Variants in SLIT3 observed in about 807,000 individuals in gnomAD.
SLIT3 encodes slit homolog 3 protein.
SLIT3 carries 68 observed loss-of-function variants against 184.0 expected under a neutral mutation model. The ratio of observed to expected loss-of-function variants is 0.37; its 90% CI spans 0.30 to 0.45. The LOEUF (loss-of-function observed/expected upper bound fraction) is 0.45, where lower values mean the gene tolerates loss of function less well. Among genes scored for constraint, SLIT3 ranks in the 20% least tolerant of loss-of-function variants. The pLI is 1.00. For missense variants in SLIT3, 1,707 were observed against 2,026.0 expected, an observed-to-expected ratio of 0.84 and a Z score of 3.02; for synonymous variants, 831 against 828.6, an observed-to-expected ratio of 1.00 and a Z score of -0.05.
At chr5:168,945,657 C>T (rs1762453042) in intron 4 of SLIT3, among the ~76,000 whole-genome samples, 1 of 152,208 alleles carries the variant, frequency 6.6e-6, no homozygotes, top group South Asian at 2.1e-4. Flanking sequence ...TCTAGGTCTG[C>T]TTTCAGTTAT....
intron 1 of SLIT3, among the ~76,000 whole-genome samples, chr5:169,260,345 C>T (rs1766119833): frequency 6.6e-6 from 1 of 152,116 alleles, no homozygotes; most frequent in African/African-American, 2.4e-5. Context: ...ACTACGCTTT[C>T]CACCTGAATG....
chr5:168,970,658 C>CT (rs1754546945), intron 4 of SLIT3, among the ~76,000 whole-genome samples: 1 of 152,122 alleles, frequency 6.6e-6, no homozygotes, highest in Non-Finnish European at 1.5e-5. Context: ...CAAGTTATGG[C>CT]ATTTGTTGTG....
intron 16 of SLIT3, among the ~76,000 whole-genome samples, chr5:168,756,431 G>A (rs867030127): frequency 5.3e-5 from 8 of 152,196 alleles, no homozygotes; most frequent in African/African-American, 9.6e-5. Context: ...GGAAACAGCC[G>A]GTGCCTTGGT....
At chr5:168,980,767 A>G (rs962925987) in intron 4 of SLIT3, among the ~76,000 whole-genome samples, 3 of 152,252 alleles carry the variant, frequency 2.0e-5, no homozygotes, top group Non-Finnish European at 4.4e-5. Context: ...AAAAGTAATT[A>G]TATGGTACTG....
At chr5:169,186,582 T>C (rs939636205) in intron 4 of SLIT3, among the ~76,000 whole-genome samples, 1 of 152,168 alleles carries the variant, frequency 6.6e-6, no homozygotes, top group Non-Finnish European at 1.5e-5. Flanking sequence ...GAAGGTGGAA[T>C]TCAAACCCAG....
intron 4 of SLIT3, among the ~76,000 whole-genome samples, chr5:168,998,877 G>C (rs1755604448): frequency 6.6e-6 from 1 of 151,302 alleles, no homozygotes; most frequent in Non-Finnish European, 1.5e-5. Context: ...GAAATTCTGG[G>C]AGGGGACCCA....
intron 4 of SLIT3, among the ~76,000 whole-genome samples, chr5:169,086,850 C>A (rs1759321469): frequency 6.6e-6 from 1 of 152,154 alleles, no homozygotes; most frequent in African/African-American, 2.4e-5. Flanking sequence ...TTAACTTGGC[C>A]TTGACTGCCT....
chr5:168,718,730 ATTCTCTCTCTCTCTCT>A (rs1762838940), intron 23 of SLIT3, among the ~76,000 whole-genome samples: 1 of 108,900 alleles, frequency 9.2e-6, no homozygotes, highest in East Asian at 2.5e-4. Flanking sequence ...ACACACACAC[ATTCTCTCTCTCTCTCT>A]CTTTCTCTCT....
chr5:168,714,184 CT>C (rs1762645928), intron 23 of SLIT3, among the ~76,000 whole-genome samples: 1 of 152,204 alleles, frequency 6.6e-6, no homozygotes, highest in Admixed American at 6.5e-5. Context: ...CTTCCTAACA[CT>C]TTTATCAGCA....
intron 4 of SLIT3, among the ~76,000 whole-genome samples, chr5:168,926,099 G>A (rs1472863763): frequency 1.3e-5 from 2 of 152,088 alleles, no homozygotes; most frequent in Non-Finnish European, 2.9e-5. Flanking sequence ...TACAAGCTAT[G>A]GTTCCCAGAG....
At chr5:168,704,597 A>C (rs1450277900) in intron 26 of SLIT3, among the ~76,000 whole-genome samples, 1 of 152,348 alleles carries the variant, frequency 6.6e-6, no homozygotes, top group South Asian at 2.1e-4. Flanking sequence ...TTAAAAGACG[A>C]TAATAAAACT....
intron 5 of SLIT3, among the ~76,000 whole-genome samples, chr5:168,876,643 C>T (rs1018125488): frequency 2.0e-5 from 3 of 152,206 alleles, no homozygotes; most frequent in Non-Finnish European, 4.4e-5. Context: ...CATGTCATTT[C>T]CTGAGTGAAG....
At chr5:168,866,624 T>G (rs901083561) in intron 5 of SLIT3, among the ~76,000 whole-genome samples, 1 of 152,220 alleles carries the variant, frequency 6.6e-6, no homozygotes, top group African/African-American at 2.4e-5. Flanking sequence ...CTCATTTTAA[T>G]TTTGGATTGA....
chr5:169,287,618 C>G (rs1050543522), intron 1 of SLIT3, among the ~76,000 whole-genome samples: 7 of 152,104 alleles, frequency 4.6e-5, no homozygotes, highest in African/African-American at 1.7e-4. Flanking sequence ...CCAGTGATAC[C>G]TCAAAAGCCT....
chr5:168,921,768 T>C (rs543069591), intron 4 of SLIT3, among the ~76,000 whole-genome samples: 4 of 152,332 alleles, frequency 2.6e-5, no homozygotes, highest in East Asian at 3.9e-4. Context: ...ATCATAATGA[T>C]GGAATGACAA....
At chr5:169,015,022 G>C (rs17734396) in intron 4 of SLIT3, among the ~76,000 whole-genome samples, 1 of 151,730 alleles carries the variant, frequency 6.6e-6, no homozygotes. Context: ...AACCAAACTT[G>C]CAGGAGGGCA....
intron 1 of SLIT3, among the ~76,000 whole-genome samples, chr5:169,299,855 G>A (rs1467270798): frequency 6.6e-6 from 1 of 151,964 alleles, no homozygotes; most frequent in Non-Finnish European, 1.5e-5. Flanking sequence ...TCCATTCTCC[G>A]GCCCCTTCGT....
chr5:168,892,115 C>T (rs774536256), intron 4 of SLIT3, among the ~76,000 whole-genome samples: 2 of 152,010 alleles, frequency 1.3e-5, no homozygotes, highest in Non-Finnish European at 1.5e-5. Context: ...GCCAAGAATG[C>T]AATTTAAAAT....
intron 4 of SLIT3, among the ~76,000 whole-genome samples, chr5:169,034,139 G>A (rs1301668534): frequency 1.3e-5 from 2 of 152,072 alleles, no homozygotes; most frequent in African/African-American, 4.8e-5. Flanking sequence ...ATGAATTTGG[G>A]ATATTAACCC....
Sources: allele counts gnomAD v4.1 joint callset (sites outside exome capture counted in the v4.1 genomes callset), GRCh38; gene constraint gnomAD v4.1.1; transcripts MANE v1.5; gene names NCBI Gene and HGNC (gene_info 2026-07-23, HGNC 2026-07-21).